MAGI3: variants seen among roughly 807,000 people sequenced by gnomAD.
MAGI3 encodes membrane-associated guanylate kinase, WW and PDZ domain-containing protein 3.
A neutral mutation model predicts 121.8 loss-of-function variants in MAGI3; 43 were observed. The ratio of observed to expected loss-of-function variants is 0.35; its 90% CI spans 0.28 to 0.46. The LOEUF is 0.46. Among genes scored for constraint, MAGI3 ranks in the 20% least tolerant of loss-of-function variants. The pLI, the probability that MAGI3 is intolerant of heterozygous loss-of-function variation, is 1.00. For synonymous variants in MAGI3, 553 were observed against 639.3 expected, an observed-to-expected ratio of 0.86 and a Z score of 2.04; for missense variants, 1,547 against 1,797.3, an observed-to-expected ratio of 0.86 and a Z score of 2.52.
chr1:113,645,855 C>A (rs918117956), intron 11 of MAGI3, among the ~76,000 whole-genome samples: 6 of 152,150 alleles, frequency 3.9e-5, no homozygotes, highest in African/African-American at 1.4e-4. Context: ...TTTTGCTTGG[C>A]TGTTATCTTG....
At chr1:113,399,040 C>T (rs1651264027) in intron 1 of MAGI3, among the ~76,000 whole-genome samples, 1 of 146,036 alleles carries the variant, frequency 6.8e-6, no homozygotes, top group Non-Finnish European at 1.5e-5. Context: ...AGGCATAGAT[C>T]AGTAACAGCT....
chr1:113,613,849 G>C (rs996941683), intron 6 of MAGI3, among the ~76,000 whole-genome samples: 1 of 152,140 alleles, frequency 6.6e-6, no homozygotes, highest in Non-Finnish European at 1.5e-5. Flanking sequence ...GGAGGGAAAA[G>C]ATTCACATTC....
chr1:113,432,898 T>G (rs930897148), intron 1 of MAGI3, among the ~76,000 whole-genome samples: 4 of 152,106 alleles, frequency 2.6e-5, no homozygotes, highest in African/African-American at 9.7e-5. Context: ...TTTAAAATTC[T>G]TCTGCCAAGC....
At chr1:113,656,419 CT>C (rs1171768187) in intron 15 of MAGI3, among the ~76,000 whole-genome samples, 280 of 140,428 alleles carry the variant, frequency 2.0e-3, no homozygotes, top group Non-Finnish European at 2.0e-3. Context: ...TTTTCTTTTT[CT>C]TTTTTTTTTT....
At chr1:113,495,054 A>G (rs1443079774) in intron 1 of MAGI3, among the ~76,000 whole-genome samples, 22 of 152,134 alleles carry the variant, frequency 1.4e-4, no homozygotes, top group Admixed American at 1.4e-3. Context: ...GTAGGTTTTC[A>G]TAGGAATTAA....
intron 1 of MAGI3, among the ~76,000 whole-genome samples, chr1:113,465,735 C>G (rs1030035356): frequency 6.6e-6 from 1 of 151,564 alleles, no homozygotes; most frequent in African/African-American, 2.4e-5. Flanking sequence ...GGTTGATTCC[C>G]AGGATTTTAT....
chr1:113,450,122 TGG>T (rs1654401099), intron 1 of MAGI3: 1 of 1,459,958 alleles, frequency 6.8e-7, no homozygotes, highest in African/African-American at 1.4e-5. Context: ...ACAGGCAGAG[TGG>T]GAAAAAGAGG....
At chr1:113,622,572 G>A (rs1650893298) in intron 8 of MAGI3, among the ~76,000 whole-genome samples, 1 of 152,050 alleles carries the variant, frequency 6.6e-6, no homozygotes, top group Admixed American at 6.6e-5. Context: ...CTCAGTAGAT[G>A]CTGAGTTTTA....
intron 1 of MAGI3, among the ~76,000 whole-genome samples, chr1:113,433,689 A>G (rs950292468): frequency 6.6e-6 from 1 of 152,234 alleles, no homozygotes; most frequent in Non-Finnish European, 1.5e-5. Flanking sequence ...TTTGGAAAAT[A>G]CAAACTCATA....
chr1:113,469,216 TTAAG>T (rs1018671493), intron 1 of MAGI3, among the ~76,000 whole-genome samples: 1 of 152,208 alleles, frequency 6.6e-6, no homozygotes, highest in African/African-American at 2.4e-5. Flanking sequence ...GACAGGGACA[TTAAG>T]TAACAAAATG....
intron 14 of MAGI3, among the ~76,000 whole-genome samples, chr1:113,652,905 A>G (rs1242232210): frequency 1.3e-5 from 2 of 152,224 alleles, no homozygotes; most frequent in African/African-American, 4.8e-5. Flanking sequence ...CAGGAATTTC[A>G]TATGACCCTG....
intron 1 of MAGI3, among the ~76,000 whole-genome samples, chr1:113,530,348 C>T (rs541603372): frequency 2.0e-5 from 3 of 147,678 alleles, no homozygotes; most frequent in South Asian, 2.1e-4. Context: ...GACAACTTAA[C>T]GCAGGAACAG....
chr1:113,412,449 A>G (rs1376626537), intron 1 of MAGI3, among the ~76,000 whole-genome samples: 2 of 152,122 alleles, frequency 1.3e-5, no homozygotes, highest in Admixed American at 6.5e-5. Context: ...AATTGCCACA[A>G]TGTCTTCCAC....
intron 3 of MAGI3, 133 bp from the exon 4 acceptor site, chr1:113,585,254 C>T (rs2101727030): frequency 1.3e-6 from 1 of 754,760 alleles, no homozygotes; most frequent in Non-Finnish European, 2.2e-6. Flanking sequence ...AAGTGTGAGC[C>T]ACCATGCCCA....
At chr1:113,682,405 CTTCTT>C in intron 20 of MAGI3, 2 of 1,417,562 alleles carry the variant, frequency 1.4e-6, no homozygotes, top group East Asian at 5.2e-5. Flanking sequence ...ACTTTTCAGT[CTTCTT>C]TTGACATTAA....
chr1:113,503,482 A>G (rs1041163421), intron 1 of MAGI3, among the ~76,000 whole-genome samples: 2 of 151,880 alleles, frequency 1.3e-5, no homozygotes, highest in Non-Finnish European at 2.9e-5. Flanking sequence ...ATTCCCTAAA[A>G]TGGATCTTGA....
rs552632549 is a variant in MAGI3 at position 113,633,914 on chromosome 1, T to G, written c.1361-7997T>G. On this transcript the variant is annotated intron_variant, in intron 9 of 20. Coordinates refer to ENST00000307546, the MANE Select transcript of MAGI3 (RefSeq NM_001142782.2). ...CAGCACCTGTTGTTTCCTGACTTTTTAATGATCACCATTCTAACTGGTGTG... is the reference window on the plus strand; with the variant it reads ...CAGCACCTGTTGTTTCCTGACTTTTGAATGATCACCATTCTAACTGGTGTG... 1.6e-3 allele frequency among the ~76,000 whole-genome samples: 237 copies of G among 152,318 alleles called. 4 individuals are homozygous for G. The highest frequency in any genetic ancestry group is 6.8e-3 in the Middle Eastern group (2 of 294).
intron 1 of MAGI3, among the ~76,000 whole-genome samples, chr1:113,424,520 A>G (rs1216056843): frequency 6.6e-6 from 1 of 152,184 alleles, no homozygotes; most frequent in Non-Finnish European, 1.5e-5. Context: ...TTCTATTTCT[A>G]TAATTTTGTC....
intron 1 of MAGI3, among the ~76,000 whole-genome samples, chr1:113,409,300 A>T (rs991733670): frequency 6.6e-6 from 1 of 152,024 alleles, no homozygotes; most frequent in Non-Finnish European, 1.5e-5. Flanking sequence ...ATTGACATCA[A>T]TTTGAATTTA....
Sources: allele counts gnomAD v4.1 joint callset (sites outside exome capture counted in the v4.1 genomes callset), GRCh38; gene constraint gnomAD v4.1.1; transcripts MANE v1.5; gene names NCBI Gene and HGNC (gene_info 2026-07-23, HGNC 2026-07-21).